PEPD: variants seen among roughly 807,000 people sequenced by gnomAD.
PEPD encodes the protein peptidase D, also known as xaa-Pro dipeptidase.
In PEPD, 53 loss-of-function variants were observed where a neutral mutation model predicts 60.7. The observed-to-expected ratio is 0.87, with a 90% CI of 0.70 to 1.10. The LOEUF (loss-of-function observed/expected upper bound fraction) is 1.10. Ranked by LOEUF, PEPD falls within the 50% of genes least tolerant of loss-of-function variation. The probability of loss-of-function intolerance (pLI) is 0.00; values close to 1 mark genes in which losing one functional copy is unlikely to be tolerated. For missense variants in PEPD, 711 were observed against 711.9 expected (o/e 1.00, Z 0.01); for synonymous variants, 267 against 284.1 (o/e 0.94, Z 0.60).
intron 3 of PEPD, among the ~76,000 whole-genome samples, chr19:33,505,955 CCA>C (rs778965234): frequency 5.7e-5 from 8 of 140,392 alleles, no homozygotes; most frequent in Non-Finnish European, 1.1e-4. Context: ...ACCCAATACA[CCA>C]CACTCACACC....
intron 9 of PEPD, among the ~76,000 whole-genome samples, chr19:33,446,306 A>G (rs1203241184): frequency 6.6e-6 from 1 of 152,230 alleles, no homozygotes; most frequent in Non-Finnish European, 1.5e-5. Flanking sequence ...AGCTGCCAAG[A>G]TAAATGATTC....
chr19:33,445,434 G>A (rs911428237), intron 9 of PEPD, among the ~76,000 whole-genome samples: 2 of 152,212 alleles, frequency 1.3e-5, no homozygotes, highest in African/African-American at 4.8e-5. Context: ...CTAAACTGAG[G>A]ACATTAGGGC....
At chr19:33,508,068 G>A (rs1970847350) in intron 3 of PEPD, among the ~76,000 whole-genome samples, 1 of 151,644 alleles carries the variant, frequency 6.6e-6, no homozygotes, top group South Asian at 2.1e-4. Flanking sequence ...GTGGGGCCCT[G>A]TTTAGCCCCT....
intron 12 of PEPD, among the ~76,000 whole-genome samples, chr19:33,398,336 T>C (rs1968414002): frequency 6.6e-6 from 1 of 152,254 alleles, no homozygotes; most frequent in African/African-American, 2.4e-5. Context: ...TCTGACTTTC[T>C]GGACATCTGG....
intron 9 of PEPD, among the ~76,000 whole-genome samples, chr19:33,458,698 G>C (rs964323546): frequency 2.9e-4 from 43 of 146,472 alleles, no homozygotes; most frequent in African/African-American, 1.1e-3. Context: ...GGTGTGTGGT[G>C]TGTGGTATGT....
intron 7 of PEPD, among the ~76,000 whole-genome samples, chr19:33,464,912 C>T (rs1240607487): frequency 2.0e-5 from 3 of 152,054 alleles, no homozygotes; most frequent in Non-Finnish European, 2.9e-5. Flanking sequence ...ACCCTGGGTC[C>T]GCGGGCACAG....
intron 5 of PEPD, among the ~76,000 whole-genome samples, chr19:33,491,051 C>T (rs988019545): frequency 6.6e-6 from 1 of 152,188 alleles, no homozygotes; most frequent in African/African-American, 2.4e-5. Context: ...ATTGGATCAT[C>T]TATGACCATA....
chr19:33,479,938 C>T (rs989439181), intron 6 of PEPD, among the ~76,000 whole-genome samples: 12 of 152,118 alleles, frequency 7.9e-5, no homozygotes, highest in Non-Finnish European at 1.2e-4. Context: ...TACTCAGTAA[C>T]GGGATTGCTG....
intron 9 of PEPD, among the ~76,000 whole-genome samples, chr19:33,444,856 G>A (rs775777925): frequency 1.3e-5 from 2 of 151,932 alleles, no homozygotes; most frequent in East Asian, 1.9e-4. Flanking sequence ...CACCCCTCTC[G>A]GCCTCAGCTC....
intron 11 of PEPD, among the ~76,000 whole-genome samples, chr19:33,403,486 C>A (rs950077319): frequency 4.6e-5 from 7 of 152,210 alleles, no homozygotes; most frequent in East Asian, 1.9e-4. Flanking sequence ...GGGCCTCTCA[C>A]CCAAATCCCA....
At chr19:33,496,719 A>T (rs1970611599) in intron 4 of PEPD, among the ~76,000 whole-genome samples, 1 of 152,218 alleles carries the variant, frequency 6.6e-6, no homozygotes, top group Admixed American at 6.5e-5. Flanking sequence ...GCTTCATGCC[A>T]GAGCCAGCAT....
chr19:33,478,215 T>C, intron 6 of PEPD, 125 bp from the exon 7 acceptor site: 1 of 737,820 alleles, frequency 1.4e-6, no homozygotes, highest in Non-Finnish European at 2.5e-6. Context: ...ATTTCATGAC[T>C]TCCTGACCCA....
intron 11 of PEPD, among the ~76,000 whole-genome samples, chr19:33,407,854 C>A (rs1295616747): frequency 4.6e-5 from 7 of 152,220 alleles, no homozygotes; most frequent in Non-Finnish European, 1.0e-4. Flanking sequence ...ATGCAGCCAC[C>A]ACAAAGTCCC....
At chr19:33,520,064 CAAA>C (rs74174670) in intron 1 of PEPD, among the ~76,000 whole-genome samples, 1 of 134,618 alleles carries the variant, frequency 7.4e-6, no homozygotes, top group Admixed American at 7.5e-5. Flanking sequence ...AACTACGTCT[CAAA>C]AAAAAAAAAA....
intron 12 of PEPD, among the ~76,000 whole-genome samples, chr19:33,393,868 GC>G (rs1311606713): frequency 6.6e-6 from 1 of 152,252 alleles, no homozygotes; most frequent in Non-Finnish European, 1.5e-5. Flanking sequence ...TTTACCTCAG[GC>G]CCTTTGCTAT....
At chr19:33,431,371 G>A (rs531862901) in intron 9 of PEPD, among the ~76,000 whole-genome samples, 6 of 152,324 alleles carry the variant, frequency 3.9e-5, no homozygotes, top group African/African-American at 9.6e-5. Context: ...GGTCCCCGCC[G>A]GAGGCCAGGG....
At chr19:33,497,612 C>CTTT (rs1568502882) in intron 4 of PEPD, among the ~76,000 whole-genome samples, 1,705 of 152,298 alleles carry the variant, frequency 0.011, 34 homozygotes, top group African/African-American at 0.039. Flanking sequence ...AGGAGACAAG[C>CTTT]GTTGGCTGTG....
chr19:33,451,335 A>G (rs993684242), intron 9 of PEPD, among the ~76,000 whole-genome samples: 2 of 152,244 alleles, frequency 1.3e-5, no homozygotes, highest in African/African-American at 4.8e-5. Flanking sequence ...AAAATTAGAA[A>G]CTTAAAATTG....
intron 12 of PEPD, among the ~76,000 whole-genome samples, chr19:33,394,063 C>T (rs1227337060): frequency 6.6e-6 from 1 of 152,238 alleles, no homozygotes. Context: ...TGTCTCACTC[C>T]GAGGGTGGGG....
Sources: gnomAD v4.1 joint callset for allele counts (sites outside exome capture counted in the v4.1 genomes callset) on GRCh38, gnomAD v4.1.1 for gene constraint, MANE v1.5 for transcripts, NCBI Gene and HGNC (gene_info 2026-07-23, HGNC 2026-07-21) for gene names.